DDHD2: variants seen among roughly 807,000 people sequenced by gnomAD.
DDHD2 encodes the protein DDHD domain containing 2, also known as triacylglycerol hydrolase DDHD2.
A neutral mutation model predicts 91.2 loss-of-function variants in DDHD2; 62 were observed. The observed-to-expected ratio is 0.68, with a 90% CI of 0.55 to 0.84. The LOEUF (loss-of-function observed/expected upper bound fraction) is 0.84, where lower values mean the gene tolerates loss of function less well. DDHD2 is among the 40% of genes least tolerant of loss of function. DDHD2 has a pLI of 0.00. For missense variants in DDHD2, 740 were observed against 846.9 expected, an observed-to-expected ratio of 0.87 and a Z score of 1.57; for synonymous variants, 271 against 293.9, an observed-to-expected ratio of 0.92 and a Z score of 0.80.
chr8:38,247,243 C>T (rs1320326274), intron 9 of DDHD2: 1 of 152,062 alleles, frequency 6.6e-6, no homozygotes, highest in East Asian at 1.9e-4. Context: ...AATGATTCTC[C>T]TGCTTCAGCC....
At chr8:38,268,942 C>A (rs769241097) in intron 1 of DDHD2, 2 of 1,561,468 alleles carry the variant, frequency 1.3e-6, no homozygotes, top group Non-Finnish European at 1.7e-6. Flanking sequence ...AGAGCCACAT[C>A]TCCTCCGGCT....
At chr8:38,239,704 T>C (rs957809495) in intron 5 of DDHD2, among the ~76,000 whole-genome samples, 1 of 104,404 alleles carries the variant, frequency 9.6e-6, no homozygotes, top group Non-Finnish European at 2.0e-5. Flanking sequence ...AAAAAAACCA[T>C]AATTTAAAAA....
At position 38,237,156 on chromosome 8, in the gene DDHD2, A is replaced by G. The variant is rs1040952252; in HGVS notation, c.412-382A>G. Among the ~76,000 whole-genome samples the G allele has an allele frequency of 1.4e-4, 22 of 151,736 alleles. 1 individual carries two copies. Among genetic ancestry groups the G allele is most frequent in the Non-Finnish European group, 1.5e-5 (1 of 67,936 alleles). ...TTTGGGAGGCCGAGGCAGGCAGATCACCTGAGGTCAGGAGTTTGAGACCAG... is the reference window on the plus strand; with the variant it reads ...TTTGGGAGGCCGAGGCAGGCAGATCGCCTGAGGTCAGGAGTTTGAGACCAG... On this transcript the variant is annotated intron_variant, in intron 3 of 17. Coordinates refer to ENST00000397166, the MANE Select transcript of DDHD2 (RefSeq NM_015214.3).
chr8:38,258,925 T>A (rs1806745388), intron 16 of DDHD2, among the ~76,000 whole-genome samples: 1 of 152,154 alleles, frequency 6.6e-6, no homozygotes, highest in South Asian at 2.1e-4. Context: ...TGTTATGAAG[T>A]GTGGATATAA....
rs188598126 is a variant in DDHD2, at chr8:38,239,468, C to T, written c.623-807C>T. Among the ~76,000 whole-genome samples the T allele has an allele frequency of 1.1e-3, 163 of 149,984 alleles. 2 individuals are homozygous for T. The Middle Eastern group carries it at 0.045, about 41-fold the overall frequency. ...CAGCACTTTGGGAGGCTGAGGCGGG[C>T]GGGTCAGGAGGTCGAGACCATTCTG... On this transcript the variant is annotated intron_variant, in intron 5 of 17. Coordinates refer to ENST00000397166, the MANE Select transcript of DDHD2 (RefSeq NM_015214.3).
chr8:38,267,965 A>G (rs750767731), intron 1 of DDHD2: 1 of 1,614,016 alleles, frequency 6.2e-7, no homozygotes, highest in South Asian at 1.1e-5. Context: ...TGGCAGCTGC[A>G]AAGCAAAGCC....
chr8:38,252,641 CAAA>C (rs200837621), intron 13 of DDHD2, 78 bp from the exon 14 acceptor site: 3,290 of 714,418 alleles, frequency 4.6e-3, no homozygotes, highest in Non-Finnish European at 4.7e-3. Flanking sequence ...GACCTCATCT[CAAA>C]AAAAAAAAAA....
chr8:38,260,091 G>C lies in DDHD2; in HGVS notation c.2106G>C (p.Gln702His). Residue 702 changes from glutamine (Q) to histidine (H), a missense_variant, in exon 17 of 18, where the codon CAG (glutamine) becomes CAC (histidine). By Grantham distance (24) the Gln-to-His change is conservative. This residue lies in a region of DDHD2 where 47 missense variants were observed against 82.6 expected (regional missense o/e 0.57). Coordinates refer to ENST00000397166, the MANE Select transcript of DDHD2 (RefSeq NM_015214.3). The stretch of plus-strand genomic sequence containing the variant: ...TCCTCAAAGAGATCTACCAAACCCA[G>C]GGTATCTTCCTTGATCAGCCTTTAC... ...LLVLKEIYQTQGIFLDQPLQ is the reference protein window; with the variant it reads ...LLVLKEIYQTHGIFLDQPLQ 2 of 1,613,596 alleles carry C rather than the reference G, an allele frequency of 1.2e-6. No individual in the cohort carries two copies. Among genetic ancestry groups the C allele is most frequent in the Non-Finnish European group, 1.7e-6 (2 of 1,179,604 alleles).
chr8:38,254,001 A>G (rs1021343336), intron 16 of DDHD2, among the ~76,000 whole-genome samples: 7 of 151,990 alleles, frequency 4.6e-5, no homozygotes, highest in Non-Finnish European at 1.0e-4. Context: ...ACTTGAGCCC[A>G]GGAGTTTGAG....
chr8:38,235,597 T>C (rs1804654481), intron 3 of DDHD2, among the ~76,000 whole-genome samples: 1 of 151,560 alleles, frequency 6.6e-6, no homozygotes, highest in South Asian at 2.1e-4. Context: ...GGTGCACGCC[T>C]GTAATCCCAG....
rs398122837 is a variant in DDHD2, at chr8:38,253,644, CTA to C, written c.1982_1983del (p.Tyr661CysfsTer8). On this transcript the variant is annotated frameshift_variant, in exon 16 of 18. Transcript: ENST00000397166. LOFTEE classifies it high-confidence loss of function. ...GMLNGGQRID[Y>X]VLQEKPIESF... ...TGCTGAATGGAGGCCAACGCATTGACTATGTGCTACAGGAGAAGCCTATTGAA... is the reference window on the plus strand; with the variant it reads ...TGCTGAATGGAGGCCAACGCATTGACTGTGCTACAGGAGAAGCCTATTGAA... 3 of 1,614,002 alleles carry C rather than the reference CTA, an allele frequency of 1.9e-6. No homozygotes were observed. Among genetic ancestry groups the C allele is most frequent in the Admixed American group, 1.7e-5 (1 of 60,024 alleles).
chr8:38,264,457 C>T, downstream of DDHD2: 1 of 1,547,902 alleles, frequency 6.5e-7, no homozygotes, highest in Non-Finnish European at 8.7e-7. Context: ...AATATCAAAA[C>T]AATAAGAATC....
chr8:38,259,035 A>G (rs1243781752), intron 16 of DDHD2, among the ~76,000 whole-genome samples: 1 of 152,206 alleles, frequency 6.6e-6, no homozygotes, highest in Non-Finnish European at 1.5e-5. Flanking sequence ...TTGAGGAACA[A>G]AGGTGGGAGG....
intron 4 of DDHD2, 40 bp from the exon 5 acceptor site, chr8:38,238,049 T>C (rs769534296): frequency 1.3e-6 from 2 of 1,547,002 alleles, no homozygotes; most frequent in South Asian, 1.2e-5. Context: ...GATGATTGTA[T>C]TGCAGAATAT....
downstream of DDHD2, chr8:38,264,704 GT>G (rs1807312272): frequency 1.3e-5 from 18 of 1,433,314 alleles, no homozygotes; most frequent in Admixed American, 1.4e-4. Flanking sequence ...ATACTCTACT[GT>G]GGGGCTAAAA....
chr8:38,262,360 C>T lies in DDHD2; in HGVS notation c.*1787C>T, dbSNP rs1018206495. 6.6e-5 allele frequency: 10 copies of T among 152,046 alleles called. No homozygotes were observed. Among genetic ancestry groups the T allele is most frequent in the Admixed American group, 5.2e-4 (8 of 15,274 alleles). 9.4% of individuals were successfully genotyped at this position (152,046 alleles called of 1,614,324 possible). A position where few individuals can be genotyped will look rare whatever the true frequency, so the allele number is the denominator to read the frequency against. On this transcript the variant is annotated 3_prime_UTR_variant, in exon 18 of 18. Coordinates refer to ENST00000397166, the MANE Select transcript of DDHD2 (RefSeq NM_015214.3). ...TATAACCAAAGATGGACAGCATAGC[C>T]CTGGATAGCCAGATAAACCACTCTT...
chr8:38,256,701 T>C (rs1238808834), intron 16 of DDHD2, among the ~76,000 whole-genome samples: 1 of 152,216 alleles, frequency 6.6e-6, no homozygotes, highest in Non-Finnish European at 1.5e-5. Context: ...TGTTGATGGA[T>C]ATTTTGATAG....
intron 9 of DDHD2, 102 bp downstream of exon 9, chr8:38,246,402 A>G (rs1392131767): frequency 3.9e-6 from 3 of 765,574 alleles, no homozygotes; most frequent in African/African-American, 1.8e-5. Flanking sequence ...GTTTCATGTC[A>G]TGACATTACA....
At chr8:38,264,150 A>ATT, downstream of DDHD2, 1 of 1,039,656 alleles carries the variant, frequency 9.6e-7, no homozygotes, top group Non-Finnish European at 1.2e-6. Context: ...AGATAGATTC[A>ATT]ATTTTTTTTT....
Sources: allele counts gnomAD v4.1 joint callset (sites outside exome capture counted in the v4.1 genomes callset), GRCh38; gene constraint gnomAD v4.1.1; regional missense constraint gnomAD v4.1.1; transcripts MANE v1.5; gene names NCBI Gene and HGNC (gene_info 2026-07-23, HGNC 2026-07-21).